The following CISD2 variants were observed in gnomAD, a reference collection of about 807,000 sequenced individuals.
CISD2 encodes the protein CDGSH iron-sulfur domain-containing protein 2.
A neutral mutation model predicts 12.9 loss-of-function variants in CISD2; 1 was observed. That is an observed-to-expected ratio of 0.08 (90% CI 0.03 to 0.37). The LOEUF is 0.37. CISD2 is among the 10% of genes least tolerant of loss of function. CISD2 has a pLI of 0.99. For synonymous variants in CISD2, 50 were observed against 60.6 expected (o/e 0.83, Z 0.81); for missense variants, 97 against 163.1 (o/e 0.59, Z 2.21).
chr4:102,885,980 T>C, intron 2 of CISD2, among the ~76,000 whole-genome samples: 1 of 152,216 alleles, frequency 6.6e-6, no homozygotes, highest in South Asian at 2.1e-4. Context: ...CTATAAGTAG[T>C]TGACAAAATC....
At chr4:102,871,658 C>G (rs1282095701) in intron 1 of CISD2, among the ~76,000 whole-genome samples, 1 of 152,140 alleles carries the variant, frequency 6.6e-6, no homozygotes, top group Non-Finnish European at 1.5e-5. Context: ...TAGATTGTAA[C>G]AGTTAATGAC....
Position 102,869,088 on chromosome 4 carries a change from G to C in CISD2, c.4G>C (p.Val2Leu), listed in dbSNP as rs1006720004. The change falls in exon 1 of 3, where the codon GTG becomes CTG. Residue 2 changes from valine to leucine, a missense_variant. Physicochemically the swap from Val to Leu is conservative, Grantham distance 32. Around this residue, in one of 2 missense-constraint regions of CISD2, gnomAD observed 89 missense variants for 114.4 expected, o/e 0.78. Coordinates refer to ENST00000273986, the MANE Select transcript of CISD2 (RefSeq NM_001008388.5). Reference protein sequence around the residue: MVLESVARIVKV... With the variant: MLLESVARIVKV... ...GGAGTGGACGCCGCTGGCCAGGATG[G>C]TGCTGGAGAGCGTGGCCCGTATCGT... The C allele has an allele frequency of 5.0e-6, 8 of 1,610,358 alleles. No homozygotes were observed. Among genetic ancestry groups the C allele is most frequent in the Non-Finnish European group, 6.8e-6 (8 of 1,178,672 alleles).
chr4:102,885,034 T>TA (rs1553969806), intron 1 of CISD2, 182 bp from the exon 2 acceptor site: 1 of 580,874 alleles, frequency 1.7e-6, no homozygotes, highest in Non-Finnish European at 3.1e-6. Context: ...AAATTATAAA[T>TA]AAAGTAAGGT....
intron 1 of CISD2, among the ~76,000 whole-genome samples, chr4:102,879,423 A>G (rs1733665049): frequency 6.6e-6 from 1 of 152,128 alleles, no homozygotes; most frequent in African/African-American, 2.4e-5. Flanking sequence ...ATGGAAATGT[A>G]TTTTGTCTTA....
At position 102,891,227 on chromosome 4, in the gene CISD2, C is replaced by G. The variant is rs1306423778; in HGVS notation, c.*3797C>G. On this transcript the variant is annotated 3_prime_UTR_variant, in exon 3 of 3. Transcript: ENST00000273986. ...TTTTTAATGGTAGAGGCAGCAGCTA[C>G]CCAGAGTCTACTTATTCTTACTTCA... 3 of 146,730 alleles carry G rather than the reference C, an allele frequency of 2.0e-5. No homozygotes were observed. The South Asian group carries it at 6.2e-4, about 30-fold the overall frequency. The allele number at this position is 146,730 out of a possible 1,614,324, so 9.1% of individuals were successfully genotyped here. A position where few individuals can be genotyped will look rare whatever the true frequency, so the allele number is the denominator to read the frequency against.
At chr4:102,878,432 G>A (rs1733640010) in intron 1 of CISD2, among the ~76,000 whole-genome samples, 1 of 152,094 alleles carries the variant, frequency 6.6e-6, no homozygotes, top group African/African-American at 2.4e-5. Flanking sequence ...ACCCAGCTGG[G>A]TTTTTCTTTT....
rs949457394 is a variant in CISD2 at position 102,889,891 on chromosome 4, G to C, written c.*2461G>C. On this transcript the variant is annotated 3_prime_UTR_variant, in exon 3 of 3. Transcript: ENST00000273986. The stretch of plus-strand genomic sequence containing the variant: ...AGTGTAAGTAACTTGTAGAACTTGA[G>C]GATAAGTGGTAAAAGAAAAAAAAAA... 3 of 152,010 alleles carry C rather than the reference G, an allele frequency of 2.0e-5. No individual in the cohort carries two copies. Among genetic ancestry groups the C allele is most frequent in the African/African-American group, 7.2e-5 (3 of 41,396 alleles). 9.4% of individuals were successfully genotyped at this position (152,010 alleles called of 1,614,324 possible). A position where few individuals can be genotyped will look rare whatever the true frequency, so the allele number is the denominator to read the frequency against.
intron 2 of CISD2, 46 bp from the exon 3 acceptor site, chr4:102,887,295 G>A (rs1355170281): frequency 9.0e-7 from 1 of 1,111,284 alleles, no homozygotes; most frequent in African/African-American, 1.6e-5. Flanking sequence ...TCTACCTAAT[G>A]AATCATATTT....
At chr4:102,881,640 C>T (rs1733723501) in intron 1 of CISD2, among the ~76,000 whole-genome samples, 1 of 152,118 alleles carries the variant, frequency 6.6e-6, no homozygotes, top group South Asian at 2.1e-4. Flanking sequence ...GTATTGCTTT[C>T]ATGTATAAAG....
intron 1 of CISD2, among the ~76,000 whole-genome samples, chr4:102,878,002 GA>G (rs1733630455): frequency 6.6e-6 from 1 of 152,214 alleles, no homozygotes. Flanking sequence ...GGCCTGCTGT[GA>G]AGACCTCTGA....
At chr4:102,879,025 C>T (rs552678576) in intron 1 of CISD2, among the ~76,000 whole-genome samples, 1 of 152,202 alleles carries the variant, frequency 6.6e-6, no homozygotes, top group Admixed American at 6.5e-5. Flanking sequence ...ACCTTTTTCA[C>T]GAGGCAGGAG....
In CISD2 at chr4:102,888,814, C is replaced by A. The variant is rs764261016; in HGVS notation, c.*1384C>A. 4.4e-4 allele frequency: 67 copies of A among 152,332 alleles called. No individual in the cohort carries two copies. The highest frequency in any genetic ancestry group is 1.6e-3 in the African/African-American group (66 of 41,570). The allele number at this position is 152,332 out of a possible 1,614,324, so 9.4% of individuals were successfully genotyped here. A position where few individuals can be genotyped will look rare whatever the true frequency, so the allele number is the denominator to read the frequency against. On this transcript the variant is annotated 3_prime_UTR_variant, in exon 3 of 3. Coordinates refer to ENST00000273986, the MANE Select transcript of CISD2 (RefSeq NM_001008388.5). Reference sequence around the variant, plus strand: ...AATCCTTTCTGTTGTAAAAGAGTTACCATTTAACTCCCTTCACTGAGTGCG... The same window carrying A: ...AATCCTTTCTGTTGTAAAAGAGTTAACATTTAACTCCCTTCACTGAGTGCG...
chr4:102,873,905 C>A (rs1733528030), intron 1 of CISD2, among the ~76,000 whole-genome samples: 1 of 151,874 alleles, frequency 6.6e-6, no homozygotes, highest in African/African-American at 2.4e-5. Context: ...GCAGGCAGAT[C>A]ACTTGAGGTT....
intron 1 of CISD2, among the ~76,000 whole-genome samples, chr4:102,876,608 G>A (rs1054326930): frequency 6.6e-6 from 1 of 152,086 alleles, no homozygotes; most frequent in African/African-American, 2.4e-5. Flanking sequence ...AAATTAGCTG[G>A]GTTTGGTGAT....
intron 1 of CISD2, among the ~76,000 whole-genome samples, chr4:102,873,711 G>A: frequency 7.9e-6 from 1 of 126,050 alleles, no homozygotes; most frequent in Non-Finnish European, 1.6e-5. Context: ...AGCCTAGGCA[G>A]CAGAGCGAAA....
At position 102,885,203 on chromosome 4, in the gene CISD2, T is replaced by C. The variant is rs760194746; in HGVS notation, c.104-13T>C. 12 of 1,606,014 alleles carry C rather than the reference T, an allele frequency of 7.5e-6. No individual in the cohort carries two copies. The highest frequency in any genetic ancestry group is 1.0e-5 in the Non-Finnish European group (12 of 1,172,746). ...CAAGAGCACTGCAGATTCTGACACA[T>C]CTACATGTTTAGTTTCAGAATGGCT... On this transcript the variant is annotated splice_polypyrimidine_tract_variant and intron_variant, in intron 1 of 2. Coordinates refer to ENST00000273986, the MANE Select transcript of CISD2 (RefSeq NM_001008388.5).
At chr4:102,877,134 A>G (rs748685927) in intron 1 of CISD2, among the ~76,000 whole-genome samples, 3 of 152,194 alleles carry the variant, frequency 2.0e-5, no homozygotes, top group Admixed American at 6.5e-5. Flanking sequence ...TTCAAAATCA[A>G]TCATGCCTTC....
Position 102,890,112 on chromosome 4 carries a change from A to G in CISD2, c.*2682A>G, listed in dbSNP as rs1014612636. ...AAGTGTTAGCAGGCTTGAGGTATGAATGATTCATTCATATGGGTAATTAAG... is the reference window on the plus strand; with the variant it reads ...AAGTGTTAGCAGGCTTGAGGTATGAGTGATTCATTCATATGGGTAATTAAG... On this transcript the variant is annotated 3_prime_UTR_variant, in exon 3 of 3. Transcript: ENST00000273986. 20 of 152,216 alleles carry G rather than the reference A, an allele frequency of 1.3e-4. No homozygotes were observed. Among genetic ancestry groups the G allele is most frequent in the African/African-American group, 4.6e-4 (19 of 41,460 alleles). 9.4% of individuals were successfully genotyped at this position (152,216 alleles called of 1,614,324 possible).
At chr4:102,883,679 G>T (rs1304213213) in intron 1 of CISD2, among the ~76,000 whole-genome samples, 1 of 152,154 alleles carries the variant, frequency 6.6e-6, no homozygotes, top group African/African-American at 2.4e-5. Flanking sequence ...TTCACTCAAA[G>T]AACCTATTTG....
Sources: allele counts gnomAD v4.1 joint callset (sites outside exome capture counted in the v4.1 genomes callset), GRCh38; gene constraint gnomAD v4.1.1; regional missense constraint gnomAD v4.1.1; transcripts MANE v1.5; gene names NCBI Gene and HGNC (gene_info 2026-07-23, HGNC 2026-07-21).